MAPK7: variants seen among roughly 807,000 people sequenced by gnomAD.
MAPK7 encodes BMK-1.
In MAPK7, 30 loss-of-function variants were observed where a neutral mutation model predicts 56.9. That is an observed-to-expected ratio of 0.53 (90% CI 0.39 to 0.72). The LOEUF (loss-of-function observed/expected upper bound fraction) is 0.72. Among genes scored for constraint, MAPK7 ranks in the 30% least tolerant of loss-of-function variants. The pLI, the probability that MAPK7 is intolerant of heterozygous loss-of-function variation, is 0.00. For synonymous variants in MAPK7, 516 were observed against 449.3 expected (o/e 1.15, Z -1.88); for missense variants, 952 against 1,110.8 (o/e 0.86, Z 2.03).
chr17:19,379,075 G>A lies in MAPK7; in HGVS notation c.175G>A (p.Glu59Lys), dbSNP rs1222382102. ...FDVGDEYEII[E>K]TIGNGAYGVV... ...CGTGGGCGACGAGTACGAGATCATC[G>A]AGACCATAGGCAACGGGGCCTATGG... Residue 59 changes from glutamate to lysine, a missense_variant, in exon 2 of 7, where the codon GAG (glutamate) becomes AAG (lysine). This residue lies in a region of MAPK7 where 213 missense variants were observed against 243.2 expected (regional missense o/e 0.88). Coordinates refer to ENST00000395604, the MANE Select transcript of MAPK7 (RefSeq NM_002749.4). The A allele has an allele frequency of 6.2e-7, 1 of 1,614,098 alleles. No individual in the cohort carries two copies. The highest frequency in any genetic ancestry group is 8.5e-7 in the Non-Finnish European group (1 of 1,180,008).
At chr17:19,382,508 C>T (rs759546348) in intron 5 of MAPK7, 42 bp downstream of exon 5, 6 of 1,529,820 alleles carry the variant, frequency 3.9e-6, no homozygotes, top group Non-Finnish European at 5.3e-6. Context: ...TGGGTCTGGG[C>T]CAAAGGAAAA....
Position 19,383,132 on chromosome 17 carries a change from C to T in MAPK7, c.2352C>T (p.Gly784=). ...SASLLADWLE[G]HGMNPADIES... is the part of the protein sequence containing the mutation. The stretch of plus-strand genomic sequence containing the variant: ...CCCTGCTTGCTGACTGGCTCGAAGG[C>T]CATGGCATGAACCCTGCCGATATTG... The change falls in exon 7 of 7, where the codon GGC becomes GGT. Residue 784 remains glycine, a synonymous_variant. Transcript: ENST00000395604. 6.2e-7 allele frequency: 1 copy of T among 1,614,090 alleles called. No homozygotes were observed. Among genetic ancestry groups the T allele is most frequent in the Non-Finnish European group, 8.5e-7 (1 of 1,180,010 alleles).
upstream of MAPK7, chr17:19,378,347 G>C: frequency 1.0e-6 from 1 of 989,036 alleles, no homozygotes. This position sits in a 1 kb window ranked among gnomAD's most constrained non-coding sequence, Gnocchi z 5.4. Flanking sequence ...GAGCTGGACA[G>C]CGGCGCGCGC....
Position 19,381,288 on chromosome 17 carries a change from C to T in MAPK7, c.1079C>T (p.Ala360Val), listed in dbSNP as rs767214222. 3.8e-5 allele frequency: 61 copies of T among 1,614,076 alleles called. 1 individual carries two copies. The East Asian group carries it at 1.3e-3, about 35-fold the overall frequency. The change falls in exon 4 of 7, where the codon GCC (alanine) becomes GTC (valine). Residue 360 changes from alanine to valine, a missense_variant. By Grantham distance (64) the Ala-to-Val change is moderately conservative. Around this residue, in one of 5 missense-constraint regions of MAPK7, gnomAD observed 429 missense variants for 533.0 expected, o/e 0.80. Transcript: ENST00000395604. This position sits in a 1 kb window ranked among gnomAD's most constrained non-coding sequence, Gnocchi z 4.6. ...GATCCTGATGATGAGCCTGACTGTG[C>T]CCCGCCCTTTGACTTTGCCTTTGAC... ...YHDPDDEPDC[A>V]PPFDFAFDRE...
chr17:19,378,453 C>A (rs995823974), upstream of MAPK7: 1 of 1,023,778 alleles, frequency 9.8e-7, no homozygotes, highest in Non-Finnish European at 1.2e-6. The surrounding 1 kb of genome is among the most constrained non-coding windows in gnomAD (Gnocchi z 5.4). Context: ...TGGCCAGGAG[C>A]TGGAGGGAGC....
chr17:19,377,827 G>A (rs1415706311), upstream of MAPK7: 4 of 985,202 alleles, frequency 4.1e-6, no homozygotes, highest in Non-Finnish European at 4.8e-6. Context: ...CACGGGAATC[G>A]CGGGACAGAC....
At chr17:19,382,747 C>T (rs1448182603) in intron 5 of MAPK7, 66 bp from the exon 6 acceptor site, 18 of 1,577,648 alleles carry the variant, frequency 1.1e-5, no homozygotes, top group East Asian at 2.2e-5. Flanking sequence ...GAGTAGTCAG[C>T]AGCATTGGGA....
Position 19,378,897 on chromosome 17 carries a change from C to CA in MAPK7, c.-3dup. ...CTCCTCACCCGAGTCTCCACACAGA[C>CA]ACCATGGCCGAGCCTCTGAAGGAGG... On this transcript the variant is annotated splice_region_variant and 5_prime_UTR_variant, in exon 2 of 7. Transcript: ENST00000395604. The surrounding 1 kb of genome is among the most constrained non-coding windows in gnomAD (Gnocchi z 5.4). The CA allele has an allele frequency of 6.4e-7, 1 of 1,560,194 alleles. No individual in the cohort carries two copies. The highest frequency in any genetic ancestry group is 8.7e-7 in the Non-Finnish European group (1 of 1,151,448).
chr17:19,378,894 A>C lies in MAPK7; in HGVS notation c.-5-2A>C. On this transcript the variant is annotated splice_acceptor_variant, in intron 1 of 6. Transcript: ENST00000395604. LOFTEE classifies it low-confidence loss of function (5UTR_SPLICE). This position sits in a 1 kb window ranked among gnomAD's most constrained non-coding sequence, Gnocchi z 5.4. Reference sequence around the variant, plus strand: ...CCTCTCCTCACCCGAGTCTCCACACAGACACCATGGCCGAGCCTCTGAAGG... The same window carrying C: ...CCTCTCCTCACCCGAGTCTCCACACCGACACCATGGCCGAGCCTCTGAAGG... 1 of 1,558,778 alleles carries C rather than the reference A, an allele frequency of 6.4e-7. No individual in the cohort carries two copies. Among genetic ancestry groups the C allele is most frequent in the African/African-American group, 1.4e-5 (1 of 73,672 alleles).
chr17:19,383,491 C>CT lies in MAPK7; in HGVS notation c.*265dup, dbSNP rs2152295179. The CT allele has an allele frequency of 3.5e-6, 1 of 288,182 alleles. No individual in the cohort carries two copies. Among genetic ancestry groups the CT allele is most frequent in the Non-Finnish European group, 6.3e-6 (1 of 158,200 alleles). The allele number at this position is 288,182 out of a possible 1,614,324, so 17.9% of individuals were successfully genotyped here. On this transcript the variant is annotated 3_prime_UTR_variant, in exon 7 of 7. Transcript: ENST00000395604. ...TATTATTATGTTATTATTACACTGT[C>CT]TTTTTGCCATCAAAATGAGGCCTGT...
chr17:19,381,326 A>G lies in MAPK7; in HGVS notation c.1117A>G (p.Thr373Ala), dbSNP rs1462436464. 6.2e-7 allele frequency: 1 copy of G among 1,613,978 alleles called. No individual in the cohort carries two copies. The highest frequency in any genetic ancestry group is 1.1e-5 in the South Asian group (1 of 91,086). ...FDFAFDREALTRERIKEAIVA... is the reference protein window; with the variant it reads ...FDFAFDREALARERIKEAIVA... The stretch of plus-strand genomic sequence containing the variant: ...CTTTGCCTTTGACCGCGAAGCCCTC[A>G]CTCGGGAGCGCATTAAGGAGGCCAT... The change falls in exon 4 of 7, where the codon ACT becomes GCT. Residue 373 changes from threonine (T) to alanine (A), a missense_variant. Physicochemically the swap from Thr to Ala is moderately conservative, Grantham distance 58. Around this residue, in one of 5 missense-constraint regions of MAPK7, gnomAD observed 429 missense variants for 533.0 expected, o/e 0.80. Transcript: ENST00000395604. This position sits in a 1 kb window ranked among gnomAD's most constrained non-coding sequence, Gnocchi z 4.6.
chr17:19,378,087 G>A, upstream of MAPK7: 2 of 984,466 alleles, frequency 2.0e-6, no homozygotes, highest in South Asian at 4.7e-5. This position sits in a 1 kb window ranked among gnomAD's most constrained non-coding sequence, Gnocchi z 5.4. Flanking sequence ...GGGACTTCGG[G>A]AGCCAGTAGC....
In MAPK7 at chr17:19,383,443, C is replaced by G. The variant is rs1912893356; in HGVS notation, c.*212C>G. ...GAGACCCCAACTCCCCCTGAACAATCCTTTTCAGTATTATATTTTTATTAT... is the reference window on the plus strand; with the variant it reads ...GAGACCCCAACTCCCCCTGAACAATGCTTTTCAGTATTATATTTTTATTAT... On this transcript the variant is annotated 3_prime_UTR_variant, in exon 7 of 7. Coordinates refer to ENST00000395604, the MANE Select transcript of MAPK7 (RefSeq NM_002749.4). 2 of 459,962 alleles carry G rather than the reference C, an allele frequency of 4.3e-6. No individual in the cohort carries two copies. Among genetic ancestry groups the G allele is most frequent in the Non-Finnish European group, 7.7e-6 (2 of 261,152 alleles). 28.5% of individuals were successfully genotyped at this position (459,962 alleles called of 1,614,324 possible).
intron 2 of MAPK7, 74 bp downstream of exon 2, chr17:19,379,206 G>A (rs2152290048): frequency 7.3e-7 from 1 of 1,371,614 alleles, no homozygotes; most frequent in Non-Finnish European, 1.0e-6. Context: ...GTCCCAGACA[G>A]CCGGGAAGGA....
Position 19,382,096 on chromosome 17 carries a change from C to T in MAPK7, c.1793C>T (p.Thr598Ile). ...GCCCCAGCGCCAACGCCAACCCCAA[C>T]CCCAGTCCAACCTACCAGTCCTCCT... ...APAPAPTPTP[T>I]PVQPTSPPPG... The change falls in exon 5 of 7, where the codon ACC (threonine) becomes ATC (isoleucine). Residue 598 changes from threonine to isoleucine, a missense_variant. Physicochemically the swap from Thr to Ile is moderately conservative, Grantham distance 89. This residue lies in a region of MAPK7 where 234 missense variants were observed against 210.4 expected (regional missense o/e 1.11). Coordinates refer to ENST00000395604, the MANE Select transcript of MAPK7 (RefSeq NM_002749.4). The T allele has an allele frequency of 1.2e-6, 2 of 1,610,760 alleles. No homozygotes were observed. Among genetic ancestry groups the T allele is most frequent in the Non-Finnish European group, 1.7e-6 (2 of 1,179,062 alleles).
Position 19,383,193 on chromosome 17 carries a change from A to G in MAPK7, c.2413A>G (p.Met805Val), listed in dbSNP as rs757807560. ...LQREIQMDSP[M>V]LLADLPDLQD... ...GCGTGAGATCCAGATGGACTCCCCA[A>G]TGCTGCTGGCTGACCTGCCTGACCT... Residue 805 changes from methionine to valine, a missense_variant, in exon 7 of 7, where the codon ATG becomes GTG. Around this residue, in one of 5 missense-constraint regions of MAPK7, gnomAD observed 73 missense variants for 104.6 expected, o/e 0.70. Transcript: ENST00000395604. The G allele has an allele frequency of 4.2e-5, 67 of 1,613,922 alleles. No individual in the cohort carries two copies. The highest frequency in any genetic ancestry group is 1.6e-4 in the Middle Eastern group (1 of 6,084).
At chr17:19,380,499 A>G in intron 3 of MAPK7, 109 bp from the exon 4 acceptor site, 1 of 1,481,400 alleles carries the variant, frequency 6.8e-7, no homozygotes, top group Non-Finnish European at 8.9e-7. Context: ...ATGGGGTCCC[A>G]GGGTAAGGCT....
rs1349064795 is a variant in MAPK7, at chr17:19,382,412, C to A, written c.2109C>A (p.Ser703=). ...PPDAGGAPQS[S]MSESPDVNLV... is the part of the protein sequence containing the mutation. ...ACGCCGGGGGAGCCCCTCAGTCTTC[C>A]ATGTCAGAGTCACCTGATGTCAACC... is the stretch of plus-strand genomic sequence containing the variant. The change falls in exon 5 of 7, where the codon TCC becomes TCA. Residue 703 remains serine, a synonymous_variant. Transcript: ENST00000395604. 6.2e-7 allele frequency: 1 copy of A among 1,611,810 alleles called. No individual in the cohort carries two copies. The highest frequency in any genetic ancestry group is 1.7e-5 in the Admixed American group (1 of 59,822).
At chr17:19,377,801 C>T (rs976428474), upstream of MAPK7, 18 of 982,628 alleles carry the variant, frequency 1.8e-5, no homozygotes, top group African/African-American at 3.0e-4. Flanking sequence ...TCGGTTAACT[C>T]CGCTGCAGCC....
Sources: allele counts gnomAD v4.1 joint callset, GRCh38; gene constraint gnomAD v4.1.1; regional missense constraint gnomAD v4.1.1; non-coding constraint Gnocchi (gnomAD v3.1); transcripts MANE v1.5; gene names NCBI Gene and HGNC (gene_info 2026-07-23, HGNC 2026-07-21).